Variants in MSL2 observed in about 807,000 individuals in gnomAD.
The protein encoded by MSL2 is MSL complex subunit 2, also known as E3 ubiquitin-protein ligase MSL2.
Under a neutral mutation model 35.8 loss-of-function variants are expected in MSL2, and 2 were observed. That is an observed-to-expected ratio of 0.06 (90% confidence interval 0.02 to 0.18). The LOEUF (loss-of-function observed/expected upper bound fraction) is 0.18, where lower values mean the gene tolerates loss of function less well. MSL2 is among the 10% of genes least tolerant of loss of function. The pLI, the probability that MSL2 is intolerant of heterozygous loss-of-function variation, is 1.00. For missense variants in MSL2, 523 were observed against 706.7 expected, an observed-to-expected ratio of 0.74 and a Z score of 2.95; for synonymous variants, 296 against 255.7, an observed-to-expected ratio of 1.16 and a Z score of -1.50.
At chr3:136,187,719 A>G (rs1254686423) in intron 1 of MSL2, among the ~76,000 whole-genome samples, 1 of 152,072 alleles carries the variant, frequency 6.6e-6, no homozygotes, top group Non-Finnish European at 1.5e-5. Context: ...TTTCTAAAAC[A>G]ATTTCAGTTG....
chr3:136,173,457 T>C lies in MSL2; in HGVS notation c.143-20719A>G, dbSNP rs541328112. ...CCTCCTGCATCCCTTATTCTCTTGG[T>C]ACTGACACTATCATTCATTCACAAA... On this transcript the variant is annotated intron_variant, in intron 1 of 1. Coordinates refer to ENST00000309993, the MANE Select transcript of MSL2 (RefSeq NM_018133.4). Among the ~76,000 whole-genome samples, 20 of 152,312 alleles carry C rather than the reference T, an allele frequency of 1.3e-4. No individual in the cohort carries two copies. The South Asian group carries it at 3.9e-3, about 30-fold the overall frequency.
chr3:136,195,647 C>A lies in MSL2; in HGVS notation c.-534G>T, dbSNP rs573960625. On this transcript the variant is annotated 5_prime_UTR_variant, in exon 1 of 2. Coordinates refer to ENST00000309993, the MANE Select transcript of MSL2 (RefSeq NM_018133.4). Reference sequence around the variant, plus strand: ...GGACGACGGTCGGGCAGCGGCTTCCCGGATCTAGTGCAAGACGCCGCGGCG... The same window carrying A: ...GGACGACGGTCGGGCAGCGGCTTCCAGGATCTAGTGCAAGACGCCGCGGCG... The A allele has an allele frequency of 9.2e-6, 9 of 980,442 alleles. No homozygotes were observed. The highest frequency in any genetic ancestry group is 1.1e-4 in the East Asian group (1 of 8,806). The allele number at this position is 980,442 out of a possible 1,614,324, so 60.7% of individuals were successfully genotyped here.
chr3:136,187,276 T>C (rs2108093306), intron 1 of MSL2, among the ~76,000 whole-genome samples: 1 of 152,316 alleles, frequency 6.6e-6, no homozygotes, highest in Admixed American at 6.5e-5. Context: ...AATGATCAAA[T>C]GTTCCCTTTT....
chr3:136,189,108 C>CAAA lies in MSL2; in HGVS notation c.142+5861_142+5863dup, dbSNP rs372715974. Among the ~76,000 whole-genome samples the CAAA allele has an allele frequency of 1.3e-3, 52 of 38,600 alleles. 3 individuals carry two copies. The East Asian group carries it at 0.025, about 19-fold the overall frequency. The allele number at this position is 38,600 out of a possible 152,430, so 25.3% of individuals were successfully genotyped here. On this transcript the variant is annotated intron_variant, in intron 1 of 1. Transcript: ENST00000309993. The stretch of plus-strand genomic sequence containing the variant: ...GCAACATGGTGAAACCCTGTCTCTA[C>CAAA]AAAAAAAAAAAAAAAAAAAAAAAAA...
chr3:136,191,129 A>G (rs1021910463), intron 1 of MSL2, among the ~76,000 whole-genome samples: 3 of 152,102 alleles, frequency 2.0e-5, no homozygotes, highest in East Asian at 3.8e-4. Context: ...TAAGTACCTA[A>G]TATGTGCCAG....
chr3:136,185,528 C>CTTTTTTT (rs1296548076), intron 1 of MSL2, among the ~76,000 whole-genome samples: 2 of 74,632 alleles, frequency 2.7e-5, no homozygotes, highest in Admixed American at 1.8e-4. Context: ...CTCTTTTTTT[C>CTTTTTTT]TTTTTTTTTG....
At position 136,195,701 on chromosome 3, in the gene MSL2, G is replaced by A. The variant is rs1034260034; in HGVS notation, c.-588C>T. 1.3e-5 allele frequency: 13 copies of A among 985,254 alleles called. No homozygotes were observed. The African/African-American group carries it at 2.3e-4, about 17-fold the overall frequency. 61.0% of individuals were successfully genotyped at this position (985,254 alleles called of 1,614,324 possible). ...ACGAAGGTTGATGTTGCGGCTGGCG[G>A]ACGCCGCCGCCGCGCTCTCCATATC... is the stretch of plus-strand genomic sequence containing the variant. On this transcript the variant is annotated 5_prime_UTR_variant, in exon 1 of 2. Coordinates refer to ENST00000309993, the MANE Select transcript of MSL2 (RefSeq NM_018133.4).
intron 1 of MSL2, among the ~76,000 whole-genome samples, chr3:136,170,540 G>A (rs1282358447): frequency 7.3e-6 from 1 of 136,658 alleles, no homozygotes; most frequent in Non-Finnish European, 1.6e-5. Context: ...TTTGAGATGG[G>A]AGTCTCGCTC....
rs1433876996 is a variant in MSL2, at chr3:136,152,601, T to TGTTTTCCTCAAACTGCTC, written c.262_279dup (p.Glu88_Asn93dup). ...CAGTTCACTAGGATGCTTAACTGCT[T>TGTTTTCCTCAAACTGCTC]GTTTTCCTCAAACTGCTCATAGTCT... On this transcript the variant is annotated inframe_insertion, in exon 2 of 2. Coordinates refer to ENST00000309993, the MANE Select transcript of MSL2 (RefSeq NM_018133.4). 6.2e-7 allele frequency: 1 copy of TGTTTTCCTCAAACTGCTC among 1,614,218 alleles called. No homozygotes were observed. Among genetic ancestry groups the TGTTTTCCTCAAACTGCTC allele is most frequent in the South Asian group, 1.1e-5 (1 of 91,090 alleles).
At chr3:136,155,356 T>C (rs1407812273) in intron 1 of MSL2, among the ~76,000 whole-genome samples, 1 of 151,578 alleles carries the variant, frequency 6.6e-6, no homozygotes, top group Non-Finnish European at 1.5e-5. Context: ...ATAACAAAAT[T>C]AGCTGGGCAT....
chr3:136,175,168 A>G (rs1027477876), intron 1 of MSL2, among the ~76,000 whole-genome samples: 1 of 151,960 alleles, frequency 6.6e-6, no homozygotes, highest in African/African-American at 2.4e-5. Context: ...ACATGGTGAA[A>G]CCCCATCTCT....
At chr3:136,176,033 A>G (rs1183407796) in intron 1 of MSL2, among the ~76,000 whole-genome samples, 3 of 152,140 alleles carry the variant, frequency 2.0e-5, no homozygotes, top group Non-Finnish European at 4.4e-5. Flanking sequence ...GACATATTCT[A>G]GATACATATA....
chr3:136,172,313 T>G (rs1940049325), intron 1 of MSL2, among the ~76,000 whole-genome samples: 1 of 151,990 alleles, frequency 6.6e-6, no homozygotes, highest in Non-Finnish European at 1.5e-5. Flanking sequence ...TCTTCTTCCC[T>G]CCTACGTAAA....
chr3:136,159,361 T>TC (rs1939632297), intron 1 of MSL2, among the ~76,000 whole-genome samples: 1 of 126,864 alleles, frequency 7.9e-6, no homozygotes, highest in South Asian at 2.9e-4. Flanking sequence ...TTTCTTTTTT[T>TC]TTTTTTTTTT....
intron 1 of MSL2, among the ~76,000 whole-genome samples, chr3:136,183,837 GA>G (rs1299858575): frequency 6.6e-6 from 1 of 152,140 alleles, no homozygotes; most frequent in Non-Finnish European, 1.5e-5. Flanking sequence ...TAAGAACAGA[GA>G]AAATAATGAA....
intron 1 of MSL2, among the ~76,000 whole-genome samples, chr3:136,168,854 C>T (rs1358303281): frequency 6.6e-6 from 1 of 152,042 alleles, no homozygotes; most frequent in Non-Finnish European, 1.5e-5. Flanking sequence ...AATGAGATAA[C>T]ACCCTTTTTG....
In MSL2 at chr3:136,151,086, A is replaced by G. The variant is rs938646256; in HGVS notation, c.*61T>C. 2 of 1,555,660 alleles carry G rather than the reference A, an allele frequency of 1.3e-6. No individual in the cohort carries two copies. The highest frequency in any genetic ancestry group is 8.8e-7 in the Non-Finnish European group (1 of 1,142,808). Reference sequence around the variant, plus strand: ...TCCGGCAAGTTAAACCAACAGAACCATAGCTGCCGTAAAACTGTAGCTATT... The same window carrying G: ...TCCGGCAAGTTAAACCAACAGAACCGTAGCTGCCGTAAAACTGTAGCTATT... On this transcript the variant is annotated 3_prime_UTR_variant, in exon 2 of 2. Coordinates refer to ENST00000309993, the MANE Select transcript of MSL2 (RefSeq NM_018133.4). The surrounding 1 kb of genome is among the most constrained non-coding windows in gnomAD (Gnocchi z 5.2).
intron 1 of MSL2, among the ~76,000 whole-genome samples, chr3:136,154,570 GA>G (rs145034942): frequency 0.12 from 17,972 of 145,138 alleles, 1,632 homozygotes; most frequent in African/African-American, 0.27. Flanking sequence ...AAATCAGTGG[GA>G]AAAAAAAAAA....
At chr3:136,165,025 C>T (rs1939804534) in intron 1 of MSL2, among the ~76,000 whole-genome samples, 1 of 151,976 alleles carries the variant, frequency 6.6e-6, no homozygotes, top group Non-Finnish European at 1.5e-5. Context: ...AGGTGAGCAC[C>T]ACTGCGTCTG....
Sources: gnomAD v4.1 joint callset for allele counts (sites outside exome capture counted in the v4.1 genomes callset) on GRCh38, gnomAD v4.1.1 for gene constraint, Gnocchi (gnomAD v3.1) non-coding constraint, MANE v1.5 for transcripts, NCBI Gene and HGNC (gene_info 2026-07-23, HGNC 2026-07-21) for gene names.